Variants in LMTK2 observed in about 807,000 individuals in gnomAD.
LMTK2 encodes serine/threonine-protein kinase LMTK2.
LMTK2 carries 37 observed loss-of-function variants against 127.5 expected under a neutral mutation model. The ratio of observed to expected loss-of-function variants is 0.29; its 90% CI spans 0.22 to 0.38. The LOEUF is 0.38. Among genes scored for constraint, LMTK2 ranks in the 10% least tolerant of loss-of-function variants. The probability of loss-of-function intolerance (pLI) is 1.00; values close to 1 mark genes in which losing one functional copy is unlikely to be tolerated. For synonymous variants in LMTK2, 819 were observed against 810.1 expected (o/e 1.01, Z -0.19); for missense variants, 1,694 against 1,920.3 (o/e 0.88, Z 2.20).
At chr7:98,156,204 C>T (rs1048287100) in intron 5 of LMTK2, among the ~76,000 whole-genome samples, 8 of 152,168 alleles carry the variant, frequency 5.3e-5, no homozygotes, top group African/African-American at 1.7e-4. Context: ...CAGTGGCTCA[C>T]GCCTGTAATC....
intron 3 of LMTK2, among the ~76,000 whole-genome samples, chr7:98,146,632 C>T (rs77842425): frequency 0.036 from 5,447 of 152,300 alleles, 338 homozygotes; most frequent in African/African-American, 0.12. Flanking sequence ...CAACAGCACA[C>T]AAACTCTGCT....
At chr7:98,122,427 G>A (rs922283177) in intron 1 of LMTK2, among the ~76,000 whole-genome samples, 12 of 152,038 alleles carry the variant, frequency 7.9e-5, no homozygotes, top group Non-Finnish European at 1.3e-4. Flanking sequence ...GCTCATTGGC[G>A]GATATTTTGT....
intron 11 of LMTK2, among the ~76,000 whole-genome samples, chr7:98,195,951 A>G (rs1797616761): frequency 6.6e-6 from 1 of 152,178 alleles, no homozygotes; most frequent in Non-Finnish European, 1.5e-5. Context: ...GCACTTTGGG[A>G]GGCCAAGGTG....
intron 7 of LMTK2, among the ~76,000 whole-genome samples, chr7:98,175,980 C>G (rs1797270880): frequency 1.3e-5 from 2 of 152,156 alleles, no homozygotes; most frequent in African/African-American, 4.8e-5. Context: ...ATCATGAATC[C>G]AACACAAGCT....
chr7:98,172,744 T>C (rs1402094164), intron 7 of LMTK2, among the ~76,000 whole-genome samples: 1 of 152,044 alleles, frequency 6.6e-6, no homozygotes, highest in Non-Finnish European at 1.5e-5. Flanking sequence ...GTGTATGAAG[T>C]ATTCTATTTT....
chr7:98,147,147 T>C (rs1320084729), intron 3 of LMTK2, among the ~76,000 whole-genome samples: 1 of 152,224 alleles, frequency 6.6e-6, no homozygotes, highest in African/African-American at 2.4e-5. Flanking sequence ...ATGAATTGCT[T>C]TTCTCTTGCT....
intron 1 of LMTK2, among the ~76,000 whole-genome samples, chr7:98,129,797 T>C (rs1796496610): frequency 1.3e-5 from 2 of 151,912 alleles, no homozygotes. Flanking sequence ...CTAACTTTTT[T>C]CCCTTTTTCT....
intron 1 of LMTK2, among the ~76,000 whole-genome samples, chr7:98,132,416 A>T (rs1489837598): frequency 6.6e-6 from 1 of 152,026 alleles, no homozygotes; most frequent in Non-Finnish European, 1.5e-5. Flanking sequence ...ACGCCTGGCT[A>T]ATTTTTTGTA....
chr7:98,132,849 G>T (rs985604476), intron 1 of LMTK2, among the ~76,000 whole-genome samples: 1 of 151,982 alleles, frequency 6.6e-6, no homozygotes, highest in Non-Finnish European at 1.5e-5. Flanking sequence ...TATGGGTCCA[G>T]TTTCATCTGA....
chr7:98,177,778 A>C (rs1277388907), intron 7 of LMTK2, among the ~76,000 whole-genome samples: 1 of 152,254 alleles, frequency 6.6e-6, no homozygotes, highest in Non-Finnish European at 1.5e-5. Flanking sequence ...CACAGCAGGC[A>C]CTCAGTAAAT....
At chr7:98,126,890 T>TTC (rs1796452744) in intron 1 of LMTK2, 1 of 152,198 alleles carries the variant, frequency 6.6e-6, no homozygotes, top group Non-Finnish European at 1.5e-5. Context: ...AGCGATCTGT[T>TTC]TCTCTAGGCT....
At chr7:98,123,540 G>C (rs1301337410) in intron 1 of LMTK2, among the ~76,000 whole-genome samples, 2 of 152,006 alleles carry the variant, frequency 1.3e-5, no homozygotes, top group Admixed American at 1.3e-4. Context: ...CCTCTTGAGA[G>C]GTCTGAAGCT....
intron 2 of LMTK2, 33 bp from the exon 3 acceptor site, chr7:98,141,364 A>C: frequency 1.3e-6 from 2 of 1,598,462 alleles, no homozygotes; most frequent in Non-Finnish European, 1.7e-6. Flanking sequence ...ATGTTAGCCA[A>C]TGGTTTTTAA....
Position 98,194,412 on chromosome 7 carries a change from A to G in LMTK2, c.3947A>G (p.His1316Arg). 6.2e-7 allele frequency: 1 copy of G among 1,614,044 alleles called. No homozygotes were observed. Among genetic ancestry groups the G allele is most frequent in the South Asian group, 1.1e-5 (1 of 91,082 alleles). The change falls in exon 11 of 14, where the codon CAC (histidine) becomes CGC (arginine). Residue 1316 changes from histidine to arginine, a missense_variant. Coordinates refer to ENST00000297293, the MANE Select transcript of LMTK2 (RefSeq NM_014916.4). This position sits in a 1 kb window ranked among gnomAD's most constrained non-coding sequence, Gnocchi z 5.4. Reference protein sequence around the residue: ...LSSESEDETEHPVPIILSNED... With the variant: ...LSSESEDETERPVPIILSNED... ...TCCGAGTCGGAGGACGAGACCGAGC[A>G]CCCCGTGCCCATCATCCTCAGCAAC...
chr7:98,193,519 C>T lies in LMTK2; in HGVS notation c.3054C>T (p.Pro1018=). The T allele has an allele frequency of 1.2e-6, 2 of 1,614,160 alleles. No homozygotes were observed. Among genetic ancestry groups the T allele is most frequent in the Non-Finnish European group, 1.7e-6 (2 of 1,180,036 alleles). ...ALLDSLGSHT[P]QKLVPPDKPA... is the part of the protein sequence containing the mutation. Reference sequence around the variant, plus strand: ...TGGACTCTTTAGGATCTCACACTCCCCAGAAACTAGTGCCCCCCGATAAGC... The same window carrying T: ...TGGACTCTTTAGGATCTCACACTCCTCAGAAACTAGTGCCCCCCGATAAGC... Residue 1018 remains proline, a synonymous_variant, in exon 11 of 14, where the codon CCC becomes CCT. Coordinates refer to ENST00000297293, the MANE Select transcript of LMTK2 (RefSeq NM_014916.4). This position sits in a 1 kb window ranked among gnomAD's most constrained non-coding sequence, Gnocchi z 4.1.
At chr7:98,166,271 G>GGT (rs1351183791) in intron 6 of LMTK2, among the ~76,000 whole-genome samples, 6 of 152,242 alleles carry the variant, frequency 3.9e-5, no homozygotes, top group Non-Finnish European at 5.9e-5. Flanking sequence ...TTATAACCAA[G>GGT]GTGTGCACCT....
chr7:98,154,232 G>A (rs894122116), intron 4 of LMTK2, among the ~76,000 whole-genome samples: 17 of 152,194 alleles, frequency 1.1e-4, no homozygotes, highest in African/African-American at 4.1e-4. Context: ...TTTGAATGGA[G>A]ATTTGGTAGG....
chr7:98,140,178 TTTCTTTCTTCTTTCTG>T (rs1796670999), intron 2 of LMTK2, among the ~76,000 whole-genome samples: 1 of 24,000 alleles, frequency 4.2e-5, no homozygotes, highest in African/African-American at 2.2e-4. Context: ...TTTTCTTTCT[TTTCTTTCTTCTTTCTG>T]TCTTTGAGAT....
intron 1 of LMTK2, among the ~76,000 whole-genome samples, chr7:98,111,051 T>G (rs1322767352): frequency 6.6e-6 from 1 of 152,216 alleles, no homozygotes; most frequent in Non-Finnish European, 1.5e-5. Flanking sequence ...ATCTTGAAAT[T>G]TGATTTTGGT....
Sources: allele counts gnomAD v4.1 joint callset (sites outside exome capture counted in the v4.1 genomes callset), GRCh38; gene constraint gnomAD v4.1.1; non-coding constraint Gnocchi (gnomAD v3.1); transcripts MANE v1.5; gene names NCBI Gene and HGNC (gene_info 2026-07-23, HGNC 2026-07-21).